The following PLCG2 variants were observed in gnomAD, a reference collection of about 807,000 sequenced individuals.
The protein encoded by PLCG2 is phospholipase C gamma 2, also known as 1-phosphatidylinositol 4,5-bisphosphate phosphodiesterase gamma-2.
Under a neutral mutation model 175.6 loss-of-function variants are expected in PLCG2, and 69 were observed. The ratio of observed to expected loss-of-function variants is 0.39; its 90% CI spans 0.32 to 0.48. The LOEUF (loss-of-function observed/expected upper bound fraction) is 0.48. Among genes scored for constraint, PLCG2 ranks in the 20% least tolerant of loss-of-function variants. The pLI, the probability that PLCG2 is intolerant of heterozygous loss-of-function variation, is 0.91. For synonymous variants in PLCG2, 827 were observed against 624.0 expected (o/e 1.33, Z -4.85); for missense variants, 1,798 against 1,650.9 (o/e 1.09, Z -1.54).
chr16:81,760,485 G>A (rs928117136), intron 2 of PLCG2, among the ~76,000 whole-genome samples: 2 of 152,178 alleles, frequency 1.3e-5, no homozygotes, highest in Admixed American at 6.6e-5. Flanking sequence ...CCCTACCCAA[G>A]CTGCAAGGGA....
chr16:81,840,698 C>T (rs992605458), intron 2 of PLCG2, among the ~76,000 whole-genome samples: 2 of 152,162 alleles, frequency 1.3e-5, no homozygotes, highest in Admixed American at 6.5e-5. Flanking sequence ...CAGTAATGTT[C>T]GCTAGACCCC....
chr16:81,769,474 GGA>G, intron 2 of PLCG2, among the ~76,000 whole-genome samples: 1 of 152,298 alleles, frequency 6.6e-6, no homozygotes, highest in Non-Finnish European at 1.5e-5. Flanking sequence ...AGGCCCCCCA[GGA>G]GAGGTGAGAG....
chr16:81,924,701 A>T (rs538035486), intron 22 of PLCG2, among the ~76,000 whole-genome samples: 3 of 152,344 alleles, frequency 2.0e-5, no homozygotes, highest in Admixed American at 6.5e-5. Context: ...ACCAATTCAT[A>T]CCTAGATTCC....
chr16:81,931,427 C>T (rs1910497786), intron 24 of PLCG2, 70 bp from the exon 25 acceptor site: 1 of 1,478,052 alleles, frequency 6.8e-7, no homozygotes, highest in African/African-American at 1.4e-5. Context: ...ACAGCTCAGG[C>T]AGGGTGCAGT....
intron 2 of PLCG2, among the ~76,000 whole-genome samples, chr16:81,820,778 G>A (rs1250561794): frequency 1.3e-5 from 2 of 151,990 alleles, no homozygotes; most frequent in African/African-American, 4.8e-5. Flanking sequence ...ACACCATCAT[G>A]CCTGGCTAAT....
At chr16:81,741,274 A>G (rs1283562365) in intron 1 of PLCG2, among the ~76,000 whole-genome samples, 24 of 152,188 alleles carry the variant, frequency 1.6e-4, no homozygotes, top group Admixed American at 1.6e-3. Flanking sequence ...TTTTAGTTGT[A>G]TTTTACAGAT....
At chr16:81,882,134 G>C (rs780260162) in intron 8 of PLCG2, among the ~76,000 whole-genome samples, 22 of 152,160 alleles carry the variant, frequency 1.4e-4, no homozygotes, top group Non-Finnish European at 2.8e-4. Flanking sequence ...CTTTTCCCCA[G>C]GCTCCTGCAA....
Position 81,937,801 on chromosome 16 carries a change from G to C in PLCG2, c.3096G>C (p.Gly1032=). The C allele has an allele frequency of 1.9e-6, 3 of 1,613,968 alleles. No individual in the cohort carries two copies. Among genetic ancestry groups the C allele is most frequent in the Non-Finnish European group, 2.5e-6 (3 of 1,179,866 alleles). ...ATCACGCATTGTTTTCTCTCAATGGGCGCACGGGCTACGTTCTGCAGCCTG... is the reference window on the plus strand; with the variant it reads ...ATCACGCATTGTTTTCTCTCAATGGCCGCACGGGCTACGTTCTGCAGCCTG... ...QMNHALFSLN[G]RTGYVLQPES... is the part of the protein sequence containing the mutation. Residue 1032 remains glycine, a synonymous_variant, in exon 28 of 33, where the codon GGG becomes GGC. Coordinates refer to ENST00000564138, the MANE Select transcript of PLCG2 (RefSeq NM_002661.5).
chr16:81,942,853 T>A (rs1911002357), intron 30 of PLCG2, among the ~76,000 whole-genome samples: 1 of 152,138 alleles, frequency 6.6e-6, no homozygotes, highest in Admixed American at 6.5e-5. Context: ...GATCTTACTT[T>A]AAAAGGTGTC....
intron 2 of PLCG2, among the ~76,000 whole-genome samples, chr16:81,791,208 T>G (rs1911216702): frequency 1.3e-5 from 2 of 151,620 alleles, no homozygotes. Context: ...ATAGCAGGAG[T>G]TTTCACTGGA....
rs1037537579 is a variant in PLCG2, at chr16:81,889,430, T to C, written c.867+157T>C. On this transcript the variant is annotated intron_variant, in intron 10 of 32. Transcript: ENST00000564138. Reference sequence around the variant, plus strand: ...CTGGGATTGTTTCTTTTCTTTTCTTTTCTTTTTTCTCCCAGGTTCTAGATT... The same window carrying C: ...CTGGGATTGTTTCTTTTCTTTTCTTCTCTTTTTTCTCCCAGGTTCTAGATT... 57 of 573,302 alleles carry C rather than the reference T, an allele frequency of 9.9e-5. 1 individual carries two copies. The highest frequency in any genetic ancestry group is 1.7e-4 in the Non-Finnish European group (54 of 315,044). The allele number at this position is 573,302 out of a possible 1,614,324, so 35.5% of individuals were successfully genotyped here. A position where few individuals can be genotyped will look rare whatever the true frequency, so the allele number is the denominator to read the frequency against.
rs1259654423 is a variant in PLCG2 at position 81,803,603 on chromosome 16, T to TCTC, written c.193+17423_193+17424insCCT. On this transcript the variant is annotated intron_variant, in intron 2 of 32. Coordinates refer to ENST00000564138, the MANE Select transcript of PLCG2 (RefSeq NM_002661.5). Reference sequence around the variant, plus strand: ...TTTCCTTTCTTTTCTTTTCTCCTTTTCTTTTCTTTTCTTTTCCTTTCTTTT... The same window carrying TCTC: ...TTTCCTTTCTTTTCTTTTCTCCTTTTCTCCTTTTCTTTTCTTTTCCTTTCTTTT... 6.9e-4 allele frequency among the ~76,000 whole-genome samples: 102 copies of TCTC among 148,406 alleles called. 1 individual carries two copies. The South Asian group carries it at 0.01, about 15-fold the overall frequency.
chr16:81,849,440 A>G (rs890930171), intron 2 of PLCG2, among the ~76,000 whole-genome samples: 1 of 152,210 alleles, frequency 6.6e-6, no homozygotes. Flanking sequence ...CTGTAAGGAC[A>G]GATGCTCACC....
intron 7 of PLCG2, among the ~76,000 whole-genome samples, chr16:81,876,772 TG>T (rs1263627324): frequency 3.3e-5 from 5 of 152,218 alleles, no homozygotes; most frequent in African/African-American, 1.2e-4. Context: ...GTGCCACCCC[TG>T]TCCCTTGGTT....
At chr16:81,910,097 G>T (rs984269828) in intron 17 of PLCG2, among the ~76,000 whole-genome samples, 1 of 151,988 alleles carries the variant, frequency 6.6e-6, no homozygotes, top group Non-Finnish European at 1.5e-5. Flanking sequence ...TGGTTTTGTT[G>T]TTGTTGTTGT....
rs1907187972 is a variant in PLCG2 at position 81,865,586 on chromosome 16, C to G, written c.480-3628C>G. Among the ~76,000 whole-genome samples, 3 of 152,214 alleles carry G rather than the reference C, an allele frequency of 2.0e-5. No individual in the cohort carries two copies. The South Asian group carries it at 6.2e-4, about 31-fold the overall frequency. ...GCAGCTGCTCTGGCACCCCAGGCCC[C>G]TCAGTCTCTCTGTTCCTGGACATGG... On this transcript the variant is annotated intron_variant, in intron 5 of 32. Coordinates refer to ENST00000564138, the MANE Select transcript of PLCG2 (RefSeq NM_002661.5).
intron 24 of PLCG2, 150 bp downstream of exon 24, chr16:81,928,774 C>A: frequency 1.6e-6 from 1 of 644,372 alleles, no homozygotes; most frequent in Non-Finnish European, 2.9e-6. Flanking sequence ...TTAGGTCAGG[C>A]TGGTCAGTGA....
rs146851902 is a variant in PLCG2 at position 81,958,582 on chromosome 16, T to A, written c.*584T>A. The A allele has an allele frequency of 4.3e-6, 1 of 229,918 alleles. No homozygotes were observed. Among genetic ancestry groups the A allele is most frequent in the African/African-American group, 2.2e-5 (1 of 45,166 alleles). 14.2% of individuals were successfully genotyped at this position (229,918 alleles called of 1,614,324 possible). A position where few individuals can be genotyped will look rare whatever the true frequency, so the allele number is the denominator to read the frequency against. On this transcript the variant is annotated 3_prime_UTR_variant, in exon 33 of 33. Coordinates refer to ENST00000564138, the MANE Select transcript of PLCG2 (RefSeq NM_002661.5). ...GAAAATGGCTGAGTGATGGGATCTGTTCATTAAGACAATTTCTAATTAATG... is the reference window on the plus strand; with the variant it reads ...GAAAATGGCTGAGTGATGGGATCTGATCATTAAGACAATTTCTAATTAATG...
At chr16:81,843,865 T>C (rs72832062) in intron 2 of PLCG2, among the ~76,000 whole-genome samples, 43,421 of 152,244 alleles carry the variant, frequency 0.29, 7,477 homozygotes, top group East Asian at 0.6. Flanking sequence ...TGCCGTTGGT[T>C]GTGTGTCTAA....
Sources: gnomAD v4.1 joint callset for allele counts (sites outside exome capture counted in the v4.1 genomes callset) on GRCh38, gnomAD v4.1.1 for gene constraint, MANE v1.5 for transcripts, NCBI Gene and HGNC (gene_info 2026-07-23, HGNC 2026-07-21) for gene names.